Variants in BRCA2 observed in about 807,000 individuals in gnomAD.
BRCA2 encodes BRCA2 DNA repair associated, also known as breast cancer type 2 susceptibility protein.
A neutral mutation model predicts 276.7 loss-of-function variants in BRCA2; 203 were observed. That is an observed-to-expected ratio of 0.73 (90% CI 0.65 to 0.82). The LOEUF is 0.82. Ranked by LOEUF, BRCA2 falls within the 40% of genes least tolerant of loss-of-function variation. BRCA2 has a pLI of 0.00. For missense variants in BRCA2, 3,920 were observed against 3,915.0 expected, an observed-to-expected ratio of 1.00 and a Z score of -0.03; for synonymous variants, 1,289 against 1,338.4, an observed-to-expected ratio of 0.96 and a Z score of 0.81.
chr13:32,364,319 G>A (rs2072766697), intron 18 of BRCA2, among the ~76,000 whole-genome samples: 1 of 152,004 alleles, frequency 6.6e-6, no homozygotes, highest in African/African-American at 2.4e-5. Context: ...AAAAGCAGTT[G>A]CTAGCACAAC....
chr13:32,316,827 TCCTTATACTCTTAAAAATGATCTAGGACC>T (rs1157305447), intron 2 of BRCA2, among the ~76,000 whole-genome samples: 1 of 152,290 alleles, frequency 6.6e-6, no homozygotes, highest in Admixed American at 6.5e-5. Flanking sequence ...GTTTCAGTAC[TCCTTATACTCTTAAAAATGATCTAGGACC>T]CCCGGAGTGC....
At chr13:32,349,556 C>T (rs558182325) in intron 13 of BRCA2, among the ~76,000 whole-genome samples, 8 of 152,054 alleles carry the variant, frequency 5.3e-5, no homozygotes, top group South Asian at 4.2e-4. Context: ...CAATACTCGC[C>T]GGGTACGGTG....
At chr13:32,375,714 C>T (rs550830782) in intron 20 of BRCA2, among the ~76,000 whole-genome samples, 1 of 152,192 alleles carries the variant, frequency 6.6e-6, no homozygotes, top group African/African-American at 2.4e-5. Context: ...GCATGTGCCA[C>T]CACGCCCGGC....
At chr13:32,354,811 A>G (rs1254308736) in intron 13 of BRCA2, 50 bp from the exon 14 acceptor site, 2 of 1,265,036 alleles carry the variant, frequency 1.6e-6, no homozygotes, top group South Asian at 1.2e-5. Flanking sequence ...ATTCCTAAAT[A>G]TTTATATGTG....
At chr13:32,376,876 G>A (rs2137614061) in intron 21 of BRCA2, 85 bp downstream of exon 21, 1 of 1,552,858 alleles carries the variant, frequency 6.4e-7, no homozygotes. Context: ...ATCACAGGAA[G>A]GAGTATGTTG....
At chr13:32,395,378 A>G (rs887700730) in intron 25 of BRCA2, among the ~76,000 whole-genome samples, 3 of 152,192 alleles carry the variant, frequency 2.0e-5, no homozygotes, top group Non-Finnish European at 4.4e-5. Flanking sequence ...TATTTTCCCT[A>G]GATCATGTAT....
intron 24 of BRCA2, among the ~76,000 whole-genome samples, chr13:32,381,970 A>G (rs1382528467): frequency 1.3e-5 from 2 of 152,176 alleles, no homozygotes; most frequent in African/African-American, 4.8e-5. Context: ...CAAGAAAAGC[A>G]AGTATGTGGG....
chr13:32,321,537 C>T lies in BRCA2; in HGVS notation c.316+2212C>T, dbSNP rs11571594. Among the ~76,000 whole-genome samples, 6,765 of 152,198 alleles carry T rather than the reference C, an allele frequency of 0.044. 238 individuals carry two copies. The highest frequency in any genetic ancestry group is 0.1 in the Admixed American group (1,562 of 15,282). ...TTAATCATAACCTGCTAGAATTGAT[C>T]TATAACCAAGGAAGGATAGTAAGGA... On this transcript the variant is annotated intron_variant, in intron 3 of 26. Coordinates refer to ENST00000380152, the MANE Select transcript of BRCA2 (RefSeq NM_000059.4).
intron 20 of BRCA2, among the ~76,000 whole-genome samples, chr13:32,373,105 C>T (rs1456224127): frequency 1.3e-5 from 2 of 151,808 alleles, no homozygotes; most frequent in Non-Finnish European, 2.9e-5. Context: ...AATTCTCATG[C>T]CTCAGCCTCC....
In BRCA2 at chr13:32,363,253, A is replaced by G. The variant is rs80359043; in HGVS notation, c.8051A>G (p.Lys2684Arg). 5.0e-6 allele frequency: 8 copies of G among 1,614,102 alleles called. No individual in the cohort carries two copies. The highest frequency in any genetic ancestry group is 6.8e-6 in the Non-Finnish European group (8 of 1,179,950). ...KIMERDDTAA[K>R]TLVLCVSDII... ...ATGGAAAGGGATGACACAGCTGCAA[A>G]AACACTTGTTCTCTGTGTTTCTGAC... The change falls in exon 18 of 27, where the codon AAA becomes AGA. Residue 2684 changes from lysine (K) to arginine (R), a missense_variant. Lys to Arg is a conservative substitution (Grantham distance 26). Transcript: ENST00000380152.
chr13:32,374,586 C>G (rs138602032), intron 20 of BRCA2, among the ~76,000 whole-genome samples: 229 of 152,330 alleles, frequency 1.5e-3, no homozygotes, highest in African/African-American at 5.4e-3. Flanking sequence ...CAAAATGCCA[C>G]TAGTCTCTTT....
At chr13:32,396,150 T>G (rs1482446672) in intron 25 of BRCA2, 1 of 173,390 alleles carries the variant, frequency 5.8e-6, no homozygotes, top group East Asian at 1.8e-4. Flanking sequence ...ATTTTTGTAT[T>G]TTTAGTAGAG....
Position 32,326,170 on chromosome 13 carries a change from T to A in BRCA2, c.475+20T>A, listed in dbSNP as rs1566218881. 6.2e-7 allele frequency: 1 copy of A among 1,608,340 alleles called. No individual in the cohort carries two copies. Among genetic ancestry groups the A allele is most frequent in the East Asian group, 2.2e-5 (1 of 44,746 alleles). On this transcript the variant is annotated intron_variant, in intron 5 of 26. Transcript: ENST00000380152. ...AGTCAGGTATGATTAAAAACAATGC[T>A]TTTTATTCTTAGAATACTAGAAATG...
chr13:32,315,111 T>G (rs1294449372), upstream of BRCA2, among the ~76,000 whole-genome samples: 1 of 152,158 alleles, frequency 6.6e-6, no homozygotes, highest in African/African-American at 2.4e-5. Context: ...CGGCTCGCTT[T>G]GGGGAACAGG....
At chr13:32,352,319 A>G (rs898950774) in intron 13 of BRCA2, among the ~76,000 whole-genome samples, 2 of 152,172 alleles carry the variant, frequency 1.3e-5, no homozygotes, top group African/African-American at 4.8e-5. Context: ...AAAATGGGAG[A>G]ATAGTTTAAT....
At chr13:32,394,594 C>A in intron 24 of BRCA2, 95 bp from the exon 25 acceptor site, 3 of 1,437,136 alleles carry the variant, frequency 2.1e-6, no homozygotes, top group Non-Finnish European at 2.8e-6. Flanking sequence ...TAGCATATAC[C>A]AAAATAAATA....
chr13:32,395,173 A>G (rs957591950), intron 25 of BRCA2, among the ~76,000 whole-genome samples: 5 of 152,240 alleles, frequency 3.3e-5, no homozygotes, highest in Non-Finnish European at 7.3e-5. Context: ...AAGGATGTTC[A>G]GAAATGCAGA....
At chr13:32,364,437 C>T (rs1164897520) in intron 18 of BRCA2, among the ~76,000 whole-genome samples, 2 of 152,124 alleles carry the variant, frequency 1.3e-5, no homozygotes, top group East Asian at 1.9e-4. Flanking sequence ...AGACAGCAAC[C>T]GTTAACTTCC....
At position 32,328,640 on chromosome 13, in the gene BRCA2, G is replaced by A. The variant is rs77534868; in HGVS notation, c.632-803G>A. Among the ~76,000 whole-genome samples, 1,100 of 152,270 alleles carry A rather than the reference G, an allele frequency of 7.2e-3. 15 individuals are homozygous for A. The highest frequency in any genetic ancestry group is 0.025 in the African/African-American group (1,043 of 41,534). ...AATGAAAATTCTGAGTACATCACAT[G>A]TAGTTAGGGTTTAGAAAATAAAAAA... On this transcript the variant is annotated intron_variant, in intron 7 of 26. Coordinates refer to ENST00000380152, the MANE Select transcript of BRCA2 (RefSeq NM_000059.4).
Sources: gnomAD v4.1 joint callset for allele counts (sites outside exome capture counted in the v4.1 genomes callset) on GRCh38, gnomAD v4.1.1 for gene constraint, MANE v1.5 for transcripts, NCBI Gene and HGNC (gene_info 2026-07-23, HGNC 2026-07-21) for gene names.